The following PNPLA2 variants were observed in gnomAD, a reference collection of about 807,000 sequenced individuals.
PNPLA2 encodes the protein patatin-like phospholipase domain-containing protein 2.
Under a neutral mutation model 39.7 loss-of-function variants are expected in PNPLA2, and 28 were observed. The observed-to-expected ratio is 0.70, with a 90% CI of 0.52 to 0.97. The LOEUF (loss-of-function observed/expected upper bound fraction) is 0.97, where lower values mean the gene tolerates loss of function less well. Ranked by LOEUF, PNPLA2 falls within the 50% of genes least tolerant of loss-of-function variation. PNPLA2 has a pLI of 0.00. For synonymous variants in PNPLA2, 392 were observed against 321.1 expected (o/e 1.22, Z -2.36); for missense variants, 768 against 698.2 (o/e 1.10, Z -1.13).
chr11:823,580 G>A lies in PNPLA2; in HGVS notation c.750G>A (p.Gln250=). 1.2e-6 allele frequency: 2 copies of A among 1,610,682 alleles called. No homozygotes were observed. The highest frequency in any genetic ancestry group is 1.1e-5 in the South Asian group (1 of 90,548). The change falls in exon 6 of 10, where the codon CAG becomes CAA. Residue 250 remains glutamine (Q), a synonymous_variant. Transcript: ENST00000336615. Reference sequence around the variant, plus strand: ...ACCGGGATGGCCTGCGCTTTCTGCAGCGGAACGGTGCGCGGACCCGGGCGG... The same window carrying A: ...ACCGGGATGGCCTGCGCTTTCTGCAACGGAACGGTGCGCGGACCCGGGCGG... The part of the protein sequence containing the change: ...QGYRDGLRFL[Q]RNGLLNRPNP...
At chr11:821,434 T>C (rs1845661137) in intron 2 of PNPLA2, 194 bp from the exon 3 acceptor site, 1 of 625,020 alleles carries the variant, frequency 1.6e-6, no homozygotes, top group Admixed American at 2.5e-5. Flanking sequence ...CAGGTCCTGG[T>C]CTCAGCTGGC....
At chr11:823,975 G>A (rs1249932335) in intron 7 of PNPLA2, 23 bp from the exon 8 acceptor site, 7 of 1,582,764 alleles carry the variant, frequency 4.4e-6, no homozygotes, top group South Asian at 1.1e-5. Flanking sequence ...TCCACTGGCC[G>A]CCGACCTCCC....
At chr11:820,311 C>G (rs1845626637) in intron 2 of PNPLA2, among the ~76,000 whole-genome samples, 1 of 152,320 alleles carries the variant, frequency 6.6e-6, no homozygotes, top group Non-Finnish European at 1.5e-5. Flanking sequence ...AGGCTGCTAT[C>G]AGGGGGCCTG....
intron 4 of PNPLA2, 59 bp from the exon 5 acceptor site, chr11:822,337 TG>T: frequency 6.8e-7 from 1 of 1,462,308 alleles, no homozygotes; most frequent in Non-Finnish European, 9.6e-7. Flanking sequence ...GTGGCTGGGG[TG>T]GGTGGCCAGT....
Position 824,566 on chromosome 11 carries a change from TCCGTGCCGCTGTC to T in PNPLA2, c.1221_1233del (p.Val408AlafsTer77). ...GCTGCGCCGCGTCCAGTCGCTGCCG[TCCGTGCCGCTGTC>T]CTGCGCCGCCTACAGAGAGGCACTG... On this transcript the variant is annotated frameshift_variant, in exon 10 of 10. Coordinates refer to ENST00000336615, the MANE Select transcript of PNPLA2 (RefSeq NM_020376.4). LOFTEE classifies it low-confidence loss of function (END_TRUNC). The T allele has an allele frequency of 6.4e-7, 1 of 1,569,806 alleles. No individual in the cohort carries two copies. The highest frequency in any genetic ancestry group is 8.6e-7 in the Non-Finnish European group (1 of 1,162,394).
rs1198286206 is a variant in PNPLA2, at chr11:824,386, G to T, written c.1125G>T (p.Gln375His). ...AGGAGCAGACGGGCAGCATCTGCCA[G>T]TACCTGGTGATGCGCGCCAAGAGGA... ...WMKEQTGSIC[Q>H]YLVMRAKRKL... Residue 375 changes from glutamine (Q) to histidine (H), a missense_variant, in exon 9 of 10, where the codon CAG becomes CAT. Physicochemically the swap from Gln to His is conservative, Grantham distance 24. Coordinates refer to ENST00000336615, the MANE Select transcript of PNPLA2 (RefSeq NM_020376.4). 6.4e-7 allele frequency: 1 copy of T among 1,553,032 alleles called. No homozygotes were observed. Among genetic ancestry groups the T allele is most frequent in the Non-Finnish European group, 8.7e-7 (1 of 1,148,592 alleles).
At chr11:822,367 A>G (rs751884365) in intron 4 of PNPLA2, 30 bp from the exon 5 acceptor site, 4 of 1,596,962 alleles carry the variant, frequency 2.5e-6, no homozygotes, top group East Asian at 4.5e-5. Context: ...AGGCCCTCAC[A>G]TACGGTCCTG....
intron 5 of PNPLA2, 103 bp from the exon 6 acceptor site, chr11:823,424 C>T: frequency 1.9e-6 from 2 of 1,036,146 alleles, no homozygotes; most frequent in Non-Finnish European, 2.9e-6. Context: ...GGGTTGGGAG[C>T]TGCGGGTAGT....
At chr11:822,997 G>A (rs928570516) in intron 5 of PNPLA2, among the ~76,000 whole-genome samples, 2 of 149,948 alleles carry the variant, frequency 1.3e-5, no homozygotes, top group South Asian at 2.1e-4. Flanking sequence ...GCTACTTTTT[G>A]TATTTTTAGT....
chr11:821,284 G>A (rs370418255), intron 2 of PNPLA2: 22 of 408,052 alleles, frequency 5.4e-5, no homozygotes, highest in Non-Finnish European at 9.2e-5. Flanking sequence ...CCCCATCCCC[G>A]CACTGCTGGA....
At position 824,077 on chromosome 11, in the gene PNPLA2, C is replaced by T; in HGVS notation, c.999C>T (p.Ala333=). The part of the protein sequence containing the change: ...SNMLPVRLAT[A]MMVPYTLPLE... ...TGCTGCCTGTGCGTCTGGCCACGGC[C>T]ATGATGGTGCCCTACACGCTGCCGC... The change falls in exon 8 of 10, where the codon GCC becomes GCT. Residue 333 remains alanine, a synonymous_variant. Transcript: ENST00000336615. 1.9e-6 allele frequency: 3 copies of T among 1,607,916 alleles called. No individual in the cohort carries two copies. The highest frequency in any genetic ancestry group is 2.5e-6 in the Non-Finnish European group (3 of 1,178,288).
rs1845795960 is a variant in PNPLA2 at position 824,380 on chromosome 11, CTG to C, written c.1120_1121del (p.Cys374ProfsTer177). On this transcript the variant is annotated frameshift_variant, in exon 9 of 10. Transcript: ENST00000336615. LOFTEE classifies it high-confidence loss of function. ...RWMKEQTGSI[C>X]QYLVMRAKRK... The stretch of plus-strand genomic sequence containing the variant: ...GGATGAAGGAGCAGACGGGCAGCAT[CTG>C]CCAGTACCTGGTGATGCGCGCCAAG... 6.4e-7 allele frequency: 1 copy of C among 1,552,260 alleles called. No individual in the cohort carries two copies. The highest frequency in any genetic ancestry group is 1.4e-5 in the African/African-American group (1 of 73,214).
chr11:821,322 C>T (rs1368083632), intron 2 of PNPLA2: 6 of 492,374 alleles, frequency 1.2e-5, no homozygotes, highest in South Asian at 4.2e-5. Context: ...AGGCTAAGGC[C>T]GGTCAGAGTT....
chr11:819,448 C>T, intron 1 of PNPLA2, 126 bp from the exon 2 acceptor site: 1 of 1,166,108 alleles, frequency 8.6e-7, no homozygotes. Flanking sequence ...GGGGCCGGGT[C>T]AAGGACGGGG....
Position 824,846 on chromosome 11 carries a change from G to C in PNPLA2, c.1499G>C (p.Gly500Ala), listed in dbSNP as rs903404319. 2 of 1,534,474 alleles carry C rather than the reference G, an allele frequency of 1.3e-6. No individual in the cohort carries two copies. The change falls in exon 10 of 10, where the codon GGG becomes GCG. Residue 500 changes from glycine to alanine, a missense_variant. Gly to Ala is a moderately conservative substitution (Grantham distance 60). Coordinates refer to ENST00000336615, the MANE Select transcript of PNPLA2 (RefSeq NM_020376.4). ...GCTCCCGAGGCCCGGCCCGTGATCG[G>C]GGCCCTGGGGCTGTGAGACCCCGAC... ...TPAPEARPVI[G>A]ALGL
chr11:819,755 G>T lies in PNPLA2; in HGVS notation c.37G>T (p.Ala13Ser), dbSNP rs1349004496. The T allele has an allele frequency of 6.6e-7, 1 of 1,509,478 alleles. No homozygotes were observed. Among genetic ancestry groups the T allele is most frequent in the East Asian group, 2.8e-5 (1 of 35,200 alleles). The allele number at this position is 1,509,478 out of a possible 1,614,324, so 93.5% of individuals were successfully genotyped here. The change falls in exon 2 of 10, where the codon GCG becomes TCG. Residue 13 changes from alanine (A) to serine (S), a missense_variant. By Grantham distance (99) the Ala-to-Ser change is moderately conservative. Transcript: ENST00000336615. ...CGAGAAGACGTGGAACATCTCGTTC[G>T]CGGGCTGCGGCTTCCTCGGCGTCTA... is the stretch of plus-strand genomic sequence containing the variant. ...PREKTWNISFAGCGFLGVYYV... is the reference protein window; with the variant it reads ...PREKTWNISFSGCGFLGVYYV...
At chr11:820,142 G>C (rs1845621422) in intron 2 of PNPLA2, among the ~76,000 whole-genome samples, 2 of 152,352 alleles carry the variant, frequency 1.3e-5, no homozygotes, top group African/African-American at 4.8e-5. Context: ...CAAAGGTTTG[G>C]GGGCGGGCAG....
chr11:824,833 C>CGGCCCG lies in PNPLA2; in HGVS notation c.1487_1492dup (p.Pro497_Val498insGlyPro). The CGGCCCG allele has an allele frequency of 6.5e-7, 1 of 1,534,630 alleles. No homozygotes were observed. Among genetic ancestry groups the CGGCCCG allele is most frequent in the Non-Finnish European group, 8.7e-7 (1 of 1,146,150 alleles). ...GCTGAGCACCCCTGCTCCCGAGGCCCGGCCCGTGATCGGGGCCCTGGGGCT... is the reference window on the plus strand; with the variant it reads ...GCTGAGCACCCCTGCTCCCGAGGCCCGGCCCGGGCCCGTGATCGGGGCCCTGGGGCT... On this transcript the variant is annotated inframe_insertion, in exon 10 of 10. Coordinates refer to ENST00000336615, the MANE Select transcript of PNPLA2 (RefSeq NM_020376.4).
At chr11:822,213 G>A in intron 4 of PNPLA2, 184 bp from the exon 5 acceptor site, 1 of 760,860 alleles carries the variant, frequency 1.3e-6, no homozygotes. Context: ...CTCCGTCCCT[G>A]CCCTCCCCCG....
Sources: gnomAD v4.1 joint callset for allele counts (sites outside exome capture counted in the v4.1 genomes callset) on GRCh38, gnomAD v4.1.1 for gene constraint, MANE v1.5 for transcripts, NCBI Gene and HGNC (gene_info 2026-07-23, HGNC 2026-07-21) for gene names.